The following SEC24A variants were observed in gnomAD, a reference collection of about 807,000 sequenced individuals.
SEC24A encodes the protein protein transport protein Sec24A.
A neutral mutation model predicts 129.4 loss-of-function variants in SEC24A; 93 were observed. The ratio of observed to expected loss-of-function variants is 0.72; its 90% CI spans 0.61 to 0.85. The LOEUF is 0.85. Among genes scored for constraint, SEC24A ranks in the 40% least tolerant of loss-of-function variants. The pLI is 0.00. For synonymous variants in SEC24A, 460 were observed against 467.3 expected (o/e 0.98, Z 0.20); for missense variants, 1,264 against 1,307.4 (o/e 0.97, Z 0.51).
intron 13 of SEC24A, among the ~76,000 whole-genome samples, chr5:134,696,522 G>A (rs939484781): frequency 2.6e-5 from 4 of 151,696 alleles, no homozygotes; most frequent in Admixed American, 1.3e-4. Context: ...TTTTTCAGAC[G>A]GAGTCTCGCT....
At position 134,697,776 on chromosome 5, in the gene SEC24A, C is replaced by T; in HGVS notation, c.2108-123C>T. On this transcript the variant is annotated intron_variant, in intron 14 of 22. Coordinates refer to ENST00000398844, the MANE Select transcript of SEC24A (RefSeq NM_021982.3). ...CTGTCTCAAAAAAAGGGAATAAAATCTCCTTTCTGACAGTAGTTTACCTTG... is the reference window on the plus strand; with the variant it reads ...CTGTCTCAAAAAAAGGGAATAAAATTTCCTTTCTGACAGTAGTTTACCTTG... 2.9e-6 allele frequency: 3 copies of T among 1,030,126 alleles called. No homozygotes were observed. In the South Asian group the frequency reaches 4.9e-5, roughly 17 times the overall value. The allele number at this position is 1,030,126 out of a possible 1,614,324, so 63.8% of individuals were successfully genotyped here.
chr5:134,693,439 A>G (rs1751723808), intron 12 of SEC24A: 1 of 1,366,248 alleles, frequency 7.3e-7, no homozygotes, highest in Non-Finnish European at 9.4e-7. Context: ...AAATACATCA[A>G]ATCTCTAAAC....
At chr5:134,718,300 G>A (rs563031622) in intron 20 of SEC24A, 127 bp downstream of exon 20, 14 of 610,044 alleles carry the variant, frequency 2.3e-5, no homozygotes, top group East Asian at 1.1e-4. Context: ...ATATACAGTC[G>A]TACACTGATT....
At chr5:134,719,871 G>A (rs1261896363) in intron 20 of SEC24A, among the ~76,000 whole-genome samples, 1 of 152,132 alleles carries the variant, frequency 6.6e-6, no homozygotes, top group East Asian at 1.9e-4. Context: ...TGTAATCCCA[G>A]CTACTTGGGA....
chr5:134,681,430 C>G (rs1235186142), intron 8 of SEC24A, among the ~76,000 whole-genome samples: 2 of 140,394 alleles, frequency 1.4e-5, no homozygotes, highest in Non-Finnish European at 3.0e-5. Context: ...AACAAAAAAA[C>G]AGTTTTATTG....
At chr5:134,709,531 G>C (rs916766144) in intron 18 of SEC24A, among the ~76,000 whole-genome samples, 1 of 152,186 alleles carries the variant, frequency 6.6e-6, no homozygotes, top group Non-Finnish European at 1.5e-5. Flanking sequence ...CACATGCACT[G>C]TGTGTTCTCA....
In SEC24A at chr5:134,725,036, A is replaced by T; in HGVS notation, c.3224A>T (p.Glu1075Val). ...FLQNMIEDRTESALSYYEFLL... is the reference protein window; with the variant it reads ...FLQNMIEDRTVSALSYYEFLL... ...CAAAACATGATAGAAGACAGAACAG[A>T]ATCTGCATTATCATATTATGAATTC... is the stretch of plus-strand genomic sequence containing the variant. Residue 1075 changes from glutamate (E) to valine (V), a missense_variant, in exon 23 of 23, where the codon GAA (glutamate) becomes GTA (valine). Coordinates refer to ENST00000398844, the MANE Select transcript of SEC24A (RefSeq NM_021982.3). 6.2e-7 allele frequency: 1 copy of T among 1,607,400 alleles called. No homozygotes were observed.
At chr5:134,657,342 C>G (rs1367736742) in intron 1 of SEC24A, among the ~76,000 whole-genome samples, 1 of 151,892 alleles carries the variant, frequency 6.6e-6, no homozygotes, top group Non-Finnish European at 1.5e-5. Flanking sequence ...AGCCACCGTG[C>G]CTGGCCTACA....
Position 134,715,038 on chromosome 5 carries a change from T to C in SEC24A, c.2742T>C (p.Thr914=). The C allele has an allele frequency of 6.2e-7, 1 of 1,613,006 alleles. No individual in the cohort carries two copies. The highest frequency in any genetic ancestry group is 8.5e-7 in the Non-Finnish European group (1 of 1,179,642). ...LALLKQKSFQ[T]GTNARLDERI... is the part of the protein sequence containing the mutation. ...TTCTGTTACAGAAATCATTCCAGAC[T>C]GGGACAAATGCACGTCTAGATGAAC... The change falls in exon 19 of 23, where the codon ACT becomes ACC. Residue 914 remains threonine (T), a synonymous_variant. Transcript: ENST00000398844.
At chr5:134,697,280 A>G (rs531943677) in intron 14 of SEC24A, 34 bp downstream of exon 14, 14 of 1,544,302 alleles carry the variant, frequency 9.1e-6, no homozygotes, top group Non-Finnish European at 1.2e-5. Flanking sequence ...TTTTTCCGTT[A>G]AATGAATATC....
At chr5:134,674,475 T>C in intron 4 of SEC24A, 140 bp from the exon 5 acceptor site, 3 of 627,612 alleles carry the variant, frequency 4.8e-6, no homozygotes. Flanking sequence ...AGGTTAAGGC[T>C]GCAGTGAGGT....
At chr5:134,683,008 A>G (rs1751327627) in intron 9 of SEC24A, among the ~76,000 whole-genome samples, 1 of 152,048 alleles carries the variant, frequency 6.6e-6, no homozygotes, top group African/African-American at 2.4e-5. Flanking sequence ...AATTTCCAAT[A>G]TGATATTGGG....
chr5:134,705,112 T>A (rs1298164667), intron 16 of SEC24A, among the ~76,000 whole-genome samples: 41 of 146,586 alleles, frequency 2.8e-4, no homozygotes, highest in South Asian at 8.6e-4. Flanking sequence ...TTAATTAATT[T>A]ATTTTTTTTT....
chr5:134,693,502 C>T (rs1751726589), intron 12 of SEC24A: 2 of 1,413,508 alleles, frequency 1.4e-6, no homozygotes, highest in Admixed American at 3.0e-5. Context: ...TGGACTACTG[C>T]ATGTGCAAGA....
intron 20 of SEC24A, among the ~76,000 whole-genome samples, 165 bp from the exon 21 acceptor site, chr5:134,720,833 C>T (rs938540097): frequency 7.9e-5 from 12 of 151,870 alleles, no homozygotes; most frequent in East Asian, 1.9e-4. Context: ...ACCCAGGAGT[C>T]GGAGGTTGCA....
rs1021872427 is a variant in SEC24A at position 134,661,185 on chromosome 5, C to G, written c.164C>G (p.Pro55Arg). The G allele has an allele frequency of 1.2e-6, 2 of 1,613,992 alleles. No homozygotes were observed. The highest frequency in any genetic ancestry group is 1.7e-6 in the Non-Finnish European group (2 of 1,179,984). Residue 55 changes from proline to arginine, a missense_variant, in exon 2 of 23, where the codon CCA becomes CGA. Transcript: ENST00000398844. Reference sequence around the variant, plus strand: ...AGCCAAGGATACAATTTCCAGCTTCCAGGATCCTACCCTCATCCAATACCA... The same window carrying G: ...AGCCAAGGATACAATTTCCAGCTTCGAGGATCCTACCCTCATCCAATACCA... ...SVSQGYNFQL[P>R]GSYPHPIPAK...
chr5:134,692,656 A>C lies in SEC24A; in HGVS notation c.1778A>C (p.Glu593Ala). 2 of 1,428,392 alleles carry C rather than the reference A, an allele frequency of 1.4e-6. No individual in the cohort carries two copies. Among genetic ancestry groups the C allele is most frequent in the Non-Finnish European group, 2.0e-6 (2 of 1,014,286 alleles). The allele number at this position is 1,428,392 out of a possible 1,614,324, so 88.5% of individuals were successfully genotyped here. The stretch of plus-strand genomic sequence containing the variant: ...TTAGTAAACTTAAATGAAAGTAAAG[A>C]GGTAAGGCACATTTTCCTACCTGAC... ...NLLVNLNESKELVQDLLKTLP... is the reference protein window; with the variant it reads ...NLLVNLNESKALVQDLLKTLP... The change falls in exon 12 of 23, where the codon GAG becomes GCG. Residue 593 changes from glutamate to alanine, a missense_variant and splice_region_variant. By Grantham distance (107) the Glu-to-Ala change is moderately radical. Transcript: ENST00000398844.
chr5:134,657,968 A>G (rs1483304394), intron 1 of SEC24A, among the ~76,000 whole-genome samples: 2 of 152,206 alleles, frequency 1.3e-5, no homozygotes, highest in Non-Finnish European at 2.9e-5. Context: ...AAAACCAAAC[A>G]TTAAAAATAT....
rs139425107 is a variant in SEC24A at position 134,695,389 on chromosome 5, T to C, written c.1986+1456T>C. On this transcript the variant is annotated intron_variant, in intron 13 of 22. Coordinates refer to ENST00000398844, the MANE Select transcript of SEC24A (RefSeq NM_021982.3). Reference sequence around the variant, plus strand: ...AAAGATGGCTGGGTGTGGTGGTTCATGCCTGTAAGACCAGTGCTTTGGGAG... The same window carrying C: ...AAAGATGGCTGGGTGTGGTGGTTCACGCCTGTAAGACCAGTGCTTTGGGAG... Among the ~76,000 whole-genome samples the C allele has an allele frequency of 3.3e-3, 504 of 152,154 alleles. 3 individuals carry two copies. The highest frequency in any genetic ancestry group is 0.012 in the African/African-American group (482 of 41,536).
Sources: gnomAD v4.1 joint callset for allele counts (sites outside exome capture counted in the v4.1 genomes callset) on GRCh38, gnomAD v4.1.1 for gene constraint, MANE v1.5 for transcripts, NCBI Gene and HGNC (gene_info 2026-07-23, HGNC 2026-07-21) for gene names.